Variants in CD226 observed in about 807,000 individuals in gnomAD.
CD226 encodes CD226 molecule.
In CD226, 24 loss-of-function variants were observed where a neutral mutation model predicts 34.9. The ratio of observed to expected loss-of-function variants is 0.69; its 90% CI spans 0.50 to 0.97. CD226 has a LOEUF of 0.97. Ranked by LOEUF, CD226 falls within the 50% of genes least tolerant of loss-of-function variation. The pLI is 0.00. For missense variants in CD226, 397 were observed against 412.7 expected (o/e 0.96, Z 0.33); for synonymous variants, 148 against 147.4 (o/e 1.00, Z -0.03).
Position 69,863,071 on chromosome 18 carries a change from T to C in CD226, c.*1243A>G, listed in dbSNP as rs1433158512. ...CTCTAATTGCTTTGACTGTTGGTGA[T>C]GTCATTAGGGCTGTCTTTGTCTGAA... On this transcript the variant is annotated 3_prime_UTR_variant, in exon 6 of 6. Coordinates refer to ENST00000582621, the MANE Select transcript of CD226 (RefSeq NM_001303618.2). The C allele has an allele frequency of 2.0e-5, 3 of 152,196 alleles. No homozygotes were observed. Among genetic ancestry groups the C allele is most frequent in the South Asian group, 4.1e-4 (2 of 4,830 alleles). The allele number at this position is 152,196 out of a possible 1,614,324, so 9.4% of individuals were successfully genotyped here. A position where few individuals can be genotyped will look rare whatever the true frequency, so the allele number is the denominator to read the frequency against.
In CD226 at chr18:69,872,829, G is replaced by A. The variant is rs561187573; in HGVS notation, c.830+315C>T. On this transcript the variant is annotated intron_variant, in intron 4 of 5. Coordinates refer to ENST00000582621, the MANE Select transcript of CD226 (RefSeq NM_001303618.2). ...CCTTCTCAGAATCTGTATCCATCTC[G>A]CGCTGTGTCATACACGCACACACAC... Among the ~76,000 whole-genome samples the A allele has an allele frequency of 2.6e-5, 4 of 152,018 alleles. No homozygotes were observed. In the South Asian group the frequency reaches 6.3e-4, roughly 24 times the overall value.
intron 2 of CD226, among the ~76,000 whole-genome samples, chr18:69,941,637 C>T (rs1017750050): frequency 4.6e-5 from 7 of 152,288 alleles, no homozygotes; most frequent in East Asian, 1.9e-4. Context: ...TGCCTGTACC[C>T]CTCTTTTATC....
At chr18:69,876,028 G>A (rs887661199) in intron 3 of CD226, among the ~76,000 whole-genome samples, 4 of 152,154 alleles carry the variant, frequency 2.6e-5, no homozygotes, top group Admixed American at 2.6e-4. Context: ...ACTACACCAT[G>A]TTTATATACA....
In CD226 at chr18:69,859,774, T is replaced by A. The variant is rs568475396; in HGVS notation, c.*4540A>T. ...TGACCCTTTGCACTACATGCACTTA[T>A]AAAATACAAAGAACAAGGCCAGGAG... On this transcript the variant is annotated 3_prime_UTR_variant, in exon 6 of 6. Transcript: ENST00000582621. 17 of 152,238 alleles carry A rather than the reference T, an allele frequency of 1.1e-4. 1 individual carries two copies. In the East Asian group the frequency reaches 1.5e-3, roughly 14 times the overall value. The allele number at this position is 152,238 out of a possible 1,614,324, so 9.4% of individuals were successfully genotyped here. A position where few individuals can be genotyped will look rare whatever the true frequency, so the allele number is the denominator to read the frequency against.
At chr18:69,864,559 T>A in intron 5 of CD226, 120 bp from the exon 6 acceptor site, 2 of 959,038 alleles carry the variant, frequency 2.1e-6, no homozygotes, top group Non-Finnish European at 3.1e-6. Flanking sequence ...CCATTATAAT[T>A]AATTTGATAA....
At chr18:69,880,658 T>G (rs953140925) in intron 3 of CD226, among the ~76,000 whole-genome samples, 12 of 150,308 alleles carry the variant, frequency 8.0e-5, no homozygotes, top group Admixed American at 7.9e-4. Flanking sequence ...GATTTCTTTT[T>G]TTTTTTTTTT....
At chr18:69,931,663 A>C (rs2055590991) in intron 2 of CD226, among the ~76,000 whole-genome samples, 1 of 152,236 alleles carries the variant, frequency 6.6e-6, no homozygotes, top group East Asian at 1.9e-4. Context: ...AAGCTCTGGC[A>C]GTTGTAATAG....
chr18:69,885,935 C>T (rs549757685), intron 3 of CD226, among the ~76,000 whole-genome samples: 6 of 143,566 alleles, frequency 4.2e-5, no homozygotes, highest in African/African-American at 9.7e-5. Flanking sequence ...CCCCGCTCCC[C>T]GACTCCTTTG....
chr18:69,944,308 G>C (rs2055763088), intron 2 of CD226, among the ~76,000 whole-genome samples: 1 of 152,144 alleles, frequency 6.6e-6, no homozygotes, highest in Non-Finnish European at 1.5e-5. Context: ...CGGACAGCCG[G>C]TATTCCTTCC....
At chr18:69,929,492 G>T (rs2055563668) in intron 2 of CD226, among the ~76,000 whole-genome samples, 1 of 152,082 alleles carries the variant, frequency 6.6e-6, no homozygotes. Flanking sequence ...CAATGTGAGG[G>T]TTAAATGAAA....
intron 2 of CD226, among the ~76,000 whole-genome samples, chr18:69,928,284 C>G (rs962755987): frequency 6.6e-6 from 1 of 152,136 alleles, no homozygotes; most frequent in South Asian, 2.1e-4. Flanking sequence ...TATCACTCCC[C>G]CTACTTCACC....
Position 69,875,658 on chromosome 18 carries a change from C to A in CD226, c.728-2412G>T, listed in dbSNP as rs188801507. ...ATGACCAGTAATGTTGAGCAGCTTT[C>A]CATATACCTATTGGCCAGTGTTATG... On this transcript the variant is annotated intron_variant, in intron 3 of 5. Transcript: ENST00000582621. Among the ~76,000 whole-genome samples the A allele has an allele frequency of 2.6e-5, 4 of 152,282 alleles. No homozygotes were observed. In the South Asian group the frequency reaches 6.2e-4, roughly 24 times the overall value.
chr18:69,919,364 G>A (rs192109466), intron 2 of CD226, among the ~76,000 whole-genome samples: 3 of 152,222 alleles, frequency 2.0e-5, no homozygotes, highest in East Asian at 1.9e-4. Flanking sequence ...AAAACTGACC[G>A]TTTACATAGC....
intron 3 of CD226, among the ~76,000 whole-genome samples, chr18:69,890,860 A>T (rs529203832): frequency 7.9e-5 from 12 of 152,254 alleles, no homozygotes; most frequent in Middle Eastern, 6.8e-3. Context: ...TCTATCAAAC[A>T]TTCTAGGAAT....
chr18:69,950,414 A>C (rs928426770), upstream of CD226, among the ~76,000 whole-genome samples: 2 of 152,228 alleles, frequency 1.3e-5, no homozygotes, highest in South Asian at 2.1e-4. Flanking sequence ...CATACAAATA[A>C]ATGCACAGTT....
At chr18:69,865,913 T>A (rs1482981109) in intron 5 of CD226, among the ~76,000 whole-genome samples, 1 of 152,196 alleles carries the variant, frequency 6.6e-6, no homozygotes, top group Non-Finnish European at 1.5e-5. Context: ...TTTGGGCTGC[T>A]GTAACAAAAT....
intron 2 of CD226, among the ~76,000 whole-genome samples, chr18:69,910,804 A>G (rs2145285241): frequency 6.6e-6 from 1 of 152,356 alleles, no homozygotes; most frequent in South Asian, 2.1e-4. Context: ...TAAATCTAAA[A>G]ATATTCTAAA....
At chr18:69,914,592 T>G (rs1399460888) in intron 2 of CD226, among the ~76,000 whole-genome samples, 1 of 152,210 alleles carries the variant, frequency 6.6e-6, no homozygotes, top group Non-Finnish European at 1.5e-5. Context: ...CAAGATAGAC[T>G]AGACTTTTGG....
intron 3 of CD226, among the ~76,000 whole-genome samples, chr18:69,894,048 G>T (rs1257231387): frequency 6.6e-6 from 1 of 151,550 alleles, no homozygotes; most frequent in Non-Finnish European, 1.5e-5. Context: ...CTGGCTGAAA[G>T]CATGTGGAAG....
Sources: allele counts gnomAD v4.1 joint callset (sites outside exome capture counted in the v4.1 genomes callset), GRCh38; gene constraint gnomAD v4.1.1; transcripts MANE v1.5; gene names NCBI Gene and HGNC (gene_info 2026-07-23, HGNC 2026-07-21).